HS6ST3: variants seen among roughly 807,000 people sequenced by gnomAD.
HS6ST3 encodes heparan sulfate 6-O-sulfotransferase 3.
A neutral mutation model predicts 36.7 loss-of-function variants in HS6ST3; 12 were observed. That is an observed-to-expected ratio of 0.33 (90% CI 0.21 to 0.53). HS6ST3 has a LOEUF of 0.53. HS6ST3 is among the 20% of genes least tolerant of loss of function. HS6ST3 has a pLI of 0.95. For synonymous variants in HS6ST3, 240 were observed against 257.5 expected (o/e 0.93, Z 0.65); for missense variants, 584 against 640.9 (o/e 0.91, Z 0.96).
intron 1 of HS6ST3, among the ~76,000 whole-genome samples, chr13:96,701,982 C>T (rs369890396): frequency 6.6e-6 from 1 of 151,906 alleles, no homozygotes; most frequent in South Asian, 2.1e-4. Flanking sequence ...GGCCTATGAA[C>T]AAAGGGATCT....
intron 1 of HS6ST3, among the ~76,000 whole-genome samples, chr13:96,217,626 G>T (rs1051049862): frequency 3.3e-5 from 5 of 152,170 alleles, no homozygotes; most frequent in Admixed American, 3.3e-4. Flanking sequence ...CTAAGTCACA[G>T]AGACGTTTAA....
intron 1 of HS6ST3, among the ~76,000 whole-genome samples, chr13:96,722,725 C>T (rs538930179): frequency 6.6e-5 from 10 of 152,130 alleles, no homozygotes; most frequent in African/African-American, 2.4e-4. Flanking sequence ...ACCTGTAATC[C>T]CAGAACTTTG....
At chr13:96,722,233 C>T (rs1179097202) in intron 1 of HS6ST3, among the ~76,000 whole-genome samples, 1 of 151,910 alleles carries the variant, frequency 6.6e-6, no homozygotes, top group Non-Finnish European at 1.5e-5. Flanking sequence ...CCACTGCACT[C>T]CAGCCTGGGA....
chr13:96,612,864 T>G (rs563624703), intron 1 of HS6ST3, among the ~76,000 whole-genome samples: 1 of 152,276 alleles, frequency 6.6e-6, no homozygotes, highest in Admixed American at 6.5e-5. Context: ...CCTGGCTTCC[T>G]TCCACCCCAC....
intron 1 of HS6ST3, among the ~76,000 whole-genome samples, chr13:96,793,869 A>T (rs1877849682): frequency 6.6e-6 from 1 of 152,052 alleles, no homozygotes; most frequent in Non-Finnish European, 1.5e-5. Flanking sequence ...ATTTATTTCC[A>T]CGCCAATGCT....
intron 1 of HS6ST3, among the ~76,000 whole-genome samples, chr13:96,660,167 C>A (rs1184046477): frequency 6.6e-6 from 1 of 151,986 alleles, no homozygotes; most frequent in Non-Finnish European, 1.5e-5. Context: ...GTGTGAAATG[C>A]ATTAATACAG....
intron 1 of HS6ST3, among the ~76,000 whole-genome samples, chr13:96,118,860 G>T (rs1455490960): frequency 3.6e-4 from 53 of 147,606 alleles, no homozygotes; most frequent in Non-Finnish European, 6.9e-4. Context: ...ACAGGCGCCC[G>T]CCACCGCGCC....
chr13:96,492,399 A>G (rs538573927), intron 1 of HS6ST3, among the ~76,000 whole-genome samples: 2 of 152,334 alleles, frequency 1.3e-5, no homozygotes, highest in South Asian at 2.1e-4. Flanking sequence ...GGGCTGTTGT[A>G]TAATACCACT....
intron 1 of HS6ST3, among the ~76,000 whole-genome samples, chr13:96,542,122 A>T (rs550479201): frequency 7.6e-4 from 115 of 152,316 alleles, no homozygotes; most frequent in Non-Finnish European, 1.5e-3. Context: ...ATACTTAACA[A>T]ATTATGTTTT....
At chr13:96,150,812 A>T (rs1386789657) in intron 1 of HS6ST3, among the ~76,000 whole-genome samples, 6 of 152,238 alleles carry the variant, frequency 3.9e-5, no homozygotes, top group Non-Finnish European at 8.8e-5. Flanking sequence ...TATTTTGAAT[A>T]AGAAGAAAGT....
intron 1 of HS6ST3, among the ~76,000 whole-genome samples, chr13:96,676,816 G>C (rs1566427305): frequency 6.6e-6 from 1 of 152,106 alleles, no homozygotes; most frequent in Non-Finnish European, 1.5e-5. Context: ...CCATTACTCT[G>C]TCAAAGGAGT....
At chr13:96,145,426 G>C (rs1490773826) in intron 1 of HS6ST3, among the ~76,000 whole-genome samples, 1 of 151,998 alleles carries the variant, frequency 6.6e-6, no homozygotes, top group Non-Finnish European at 1.5e-5. Flanking sequence ...ATTTTTTCAT[G>C]TGTCTTTTGG....
chr13:96,331,944 C>A (rs11616767), intron 1 of HS6ST3, among the ~76,000 whole-genome samples: 12,701 of 152,232 alleles, frequency 0.083, 571 homozygotes, highest in Middle Eastern at 0.12. Context: ...ACCAGATTTT[C>A]CAGGTGCCGT....
At chr13:96,376,074 A>T (rs1241749082) in intron 1 of HS6ST3, among the ~76,000 whole-genome samples, 2 of 152,200 alleles carry the variant, frequency 1.3e-5, no homozygotes, top group Non-Finnish European at 2.9e-5. Context: ...CCGAATGATC[A>T]ACATAATCCA....
chr13:96,265,156 A>G (rs887422876), intron 1 of HS6ST3, among the ~76,000 whole-genome samples: 9 of 152,152 alleles, frequency 5.9e-5, no homozygotes, highest in African/African-American at 1.9e-4. Context: ...TTCTTTAAGC[A>G]ATCTTAATTT....
At chr13:96,495,742 G>T (rs542668601) in intron 1 of HS6ST3, among the ~76,000 whole-genome samples, 4 of 152,218 alleles carry the variant, frequency 2.6e-5, no homozygotes, top group African/African-American at 9.6e-5. Flanking sequence ...GTGTGGCCAA[G>T]ACCCAACTCT....
At chr13:96,567,104 T>C (rs1207987387) in intron 1 of HS6ST3, among the ~76,000 whole-genome samples, 1 of 152,134 alleles carries the variant, frequency 6.6e-6, no homozygotes, top group East Asian at 1.9e-4. Flanking sequence ...AGTATCACTT[T>C]CCATTTTCTC....
At chr13:96,331,535 C>G (rs528394331) in intron 1 of HS6ST3, among the ~76,000 whole-genome samples, 4 of 151,984 alleles carry the variant, frequency 2.6e-5, no homozygotes, top group South Asian at 2.1e-4. Flanking sequence ...GCAGTCTGCC[C>G]GTTCTCAGAT....
chr13:96,809,657 T>C (rs891835981), intron 1 of HS6ST3, among the ~76,000 whole-genome samples: 1 of 152,180 alleles, frequency 6.6e-6, no homozygotes, highest in Admixed American at 6.5e-5. Flanking sequence ...GACTCGGCCA[T>C]GAGCTCTGGG....
Sources: gnomAD v4.1 joint callset for allele counts (sites outside exome capture counted in the v4.1 genomes callset) on GRCh38, gnomAD v4.1.1 for gene constraint, MANE v1.5 for transcripts, NCBI Gene and HGNC (gene_info 2026-07-23, HGNC 2026-07-21) for gene names.